The following FARS2 variants were observed in gnomAD, a reference collection of about 807,000 sequenced individuals.
FARS2 encodes phenylalanine--tRNA ligase, mitochondrial.
FARS2 carries 40 observed loss-of-function variants against 46.4 expected under a neutral mutation model. That is an observed-to-expected ratio of 0.86 (90% CI 0.67 to 1.12). The LOEUF (loss-of-function observed/expected upper bound fraction) is 1.12, where lower values mean the gene tolerates loss of function less well. FARS2 is among the 50% of genes most tolerant of loss of function. The pLI, the probability that FARS2 is intolerant of heterozygous loss-of-function variation, is 0.00. For missense variants in FARS2, 513 were observed against 567.9 expected (o/e 0.90, Z 0.98); for synonymous variants, 234 against 214.9 (o/e 1.09, Z -0.78).
At chr6:5,496,778 G>A (rs1244106176) in intron 4 of FARS2, among the ~76,000 whole-genome samples, 2 of 152,124 alleles carry the variant, frequency 1.3e-5, no homozygotes, top group African/African-American at 4.8e-5. Flanking sequence ...GCTGTATCAC[G>A]TTCTGAGGTC....
In FARS2 at chr6:5,290,084, A is replaced by G. The variant is rs115183727; in HGVS notation, c.-22+28424A>G. 4.6e-3 allele frequency among the ~76,000 whole-genome samples: 706 copies of G among 152,344 alleles called. 3 individuals are homozygous for G. Among genetic ancestry groups the G allele is most frequent in the African/African-American group, 0.016 (655 of 41,578 alleles). On this transcript the variant is annotated intron_variant, in intron 1 of 6. Coordinates refer to ENST00000274680, the MANE Select transcript of FARS2 (RefSeq NM_006567.5). ...AAGTGTAAAATAGTTTTGGACAGAA[A>G]TAAGAAATAGCTTGCTGTGTATTAC...
At chr6:5,535,119 A>G (rs1159816924) in intron 4 of FARS2, among the ~76,000 whole-genome samples, 1 of 152,136 alleles carries the variant, frequency 6.6e-6, no homozygotes, top group Non-Finnish European at 1.5e-5. Context: ...GATGACTGAT[A>G]ATGTTGAGTA....
At chr6:5,345,985 C>G (rs1757205066) in intron 1 of FARS2, among the ~76,000 whole-genome samples, 1 of 152,148 alleles carries the variant, frequency 6.6e-6, no homozygotes, top group Non-Finnish European at 1.5e-5. Context: ...TGGAGGAGTA[C>G]TGGGGATGGT....
intron 1 of FARS2, among the ~76,000 whole-genome samples, chr6:5,360,069 A>G (rs1758203901): frequency 6.6e-6 from 1 of 152,212 alleles, no homozygotes; most frequent in Non-Finnish European, 1.5e-5. Flanking sequence ...TTAATAATTG[A>G]GTCTAAATGG....
At chr6:5,326,242 C>T (rs1488113756) in intron 1 of FARS2, among the ~76,000 whole-genome samples, 2 of 152,206 alleles carry the variant, frequency 1.3e-5, no homozygotes, top group African/African-American at 4.8e-5. Flanking sequence ...ATGTGCAACT[C>T]ACTGGATTTA....
chr6:5,378,301 G>A (rs1175842916), intron 2 of FARS2, among the ~76,000 whole-genome samples: 3 of 152,058 alleles, frequency 2.0e-5, no homozygotes, highest in Non-Finnish European at 4.4e-5. Context: ...CTCCTTCCAC[G>A]GAGGCTGCTC....
chr6:5,606,429 T>C (rs1277933367), intron 5 of FARS2, among the ~76,000 whole-genome samples: 1 of 152,032 alleles, frequency 6.6e-6, no homozygotes, highest in African/African-American at 2.4e-5. Flanking sequence ...TACCAAATTA[T>C]TAAAGTGTGA....
intron 1 of FARS2, among the ~76,000 whole-genome samples, chr6:5,332,850 G>A (rs183157215): frequency 6.6e-6 from 1 of 152,354 alleles, no homozygotes; most frequent in East Asian, 1.9e-4. Flanking sequence ...AGACAAGGAT[G>A]AACCGCATTA....
At chr6:5,565,018 G>C (rs1020741641) in intron 5 of FARS2, among the ~76,000 whole-genome samples, 1 of 152,192 alleles carries the variant, frequency 6.6e-6, no homozygotes, top group Non-Finnish European at 1.5e-5. Context: ...AGTTTTTCCA[G>C]TTGTGTCCTG....
Position 5,456,709 on chromosome 6 carries a change from C to T in FARS2, c.904+25537C>T, listed in dbSNP as rs1764894961. ...TGGCATTATTGCACTCCAGCCTGGG[C>T]AACACAGCGAGACTCCATCTCAAAA... On this transcript the variant is annotated intron_variant, in intron 4 of 6. Coordinates refer to ENST00000274680, the MANE Select transcript of FARS2 (RefSeq NM_006567.5). 3.9e-5 allele frequency among the ~76,000 whole-genome samples: 4 copies of T among 103,872 alleles called. No individual in the cohort carries two copies. The Admixed American group carries it at 6.1e-4, about 16-fold the overall frequency. The allele number at this position is 103,872 out of a possible 152,430, so 68.1% of individuals were successfully genotyped here. A position where few individuals can be genotyped will look rare whatever the true frequency, so the allele number is the denominator to read the frequency against.
intron 4 of FARS2, among the ~76,000 whole-genome samples, chr6:5,517,185 GCA>G (rs1561679112): frequency 6.6e-6 from 1 of 152,138 alleles, no homozygotes; most frequent in Non-Finnish European, 1.5e-5. Context: ...GTGTAAAAAA[GCA>G]CAGTCTATGA....
intron 1 of FARS2, among the ~76,000 whole-genome samples, chr6:5,318,171 C>T (rs1236242412): frequency 6.6e-6 from 1 of 151,870 alleles, no homozygotes; most frequent in African/African-American, 2.4e-5. Flanking sequence ...CCAGCCTGGC[C>T]AATATGGTGA....
At chr6:5,353,635 T>A (rs1757714158) in intron 1 of FARS2, among the ~76,000 whole-genome samples, 1 of 152,142 alleles carries the variant, frequency 6.6e-6, no homozygotes, top group African/African-American at 2.4e-5. Context: ...TCCCTGATGA[T>A]TTATGATGTT....
chr6:5,623,636 C>T (rs1775883648), intron 6 of FARS2, among the ~76,000 whole-genome samples: 1 of 151,766 alleles, frequency 6.6e-6, no homozygotes, highest in African/African-American at 2.4e-5. Context: ...TAATTGAAGC[C>T]AGGAGGCGGA....
chr6:5,540,536 T>C (rs1182758409), intron 4 of FARS2, among the ~76,000 whole-genome samples: 1 of 152,236 alleles, frequency 6.6e-6, no homozygotes, highest in Non-Finnish European at 1.5e-5. Flanking sequence ...ATTCGCACTG[T>C]CGTGTCTTCA....
chr6:5,418,739 G>C lies in FARS2; in HGVS notation c.773-12302G>C, dbSNP rs943023846. 3.9e-5 allele frequency among the ~76,000 whole-genome samples: 6 copies of C among 152,168 alleles called. No individual in the cohort carries two copies. The South Asian group carries it at 1.2e-3, about 32-fold the overall frequency. ...GCTATCCTGACTTGTCCAGACTCCC[G>C]GCTCTGTCTCCTCAAATCAAGGAGA... On this transcript the variant is annotated intron_variant, in intron 3 of 6. Coordinates refer to ENST00000274680, the MANE Select transcript of FARS2 (RefSeq NM_006567.5).
rs2150500927 is a variant in FARS2, at chr6:5,545,341, G to T, written c.1065+1G>T. 1 of 1,612,952 alleles carries T rather than the reference G, an allele frequency of 6.2e-7. No individual in the cohort carries two copies. The highest frequency in any genetic ancestry group is 2.2e-5 in the East Asian group (1 of 44,866). ...CATTAATCAGAAGGTGAAGTTTCAGGTAAGATGACTTGCAAGAACTGAATA... is the reference window on the plus strand; with the variant it reads ...CATTAATCAGAAGGTGAAGTTTCAGTTAAGATGACTTGCAAGAACTGAATA... On this transcript the variant is annotated splice_donor_variant, in intron 5 of 6. Transcript: ENST00000274680. LOFTEE classifies it high-confidence loss of function.
chr6:5,352,840 C>T (rs1270636160), intron 1 of FARS2, among the ~76,000 whole-genome samples: 1 of 151,990 alleles, frequency 6.6e-6, no homozygotes, highest in Non-Finnish European at 1.5e-5. Flanking sequence ...TGCCTTGATA[C>T]ATATACATTG....
intron 6 of FARS2, among the ~76,000 whole-genome samples, chr6:5,669,318 CA>C (rs1778324173): frequency 6.6e-6 from 1 of 152,122 alleles, no homozygotes; most frequent in Admixed American, 6.5e-5. Flanking sequence ...GTTGCTCCCG[CA>C]GGTCCCATAG....
Sources: allele counts gnomAD v4.1 joint callset (sites outside exome capture counted in the v4.1 genomes callset), GRCh38; gene constraint gnomAD v4.1.1; transcripts MANE v1.5; gene names NCBI Gene and HGNC (gene_info 2026-07-23, HGNC 2026-07-21).